Variants in MED13L observed in about 807,000 individuals in gnomAD.
MED13L encodes mediator complex subunit 13L.
A neutral mutation model predicts 220.9 loss-of-function variants in MED13L; 7 were observed. The observed-to-expected ratio is 0.03, with a 90% CI of 0.02 to 0.06. The LOEUF is 0.06. Among genes scored for constraint, MED13L ranks in the 10% least tolerant of loss-of-function variants. The pLI is 1.00. For synonymous variants in MED13L, 1,011 were observed against 1,015.2 expected (o/e 1.00, Z 0.08); for missense variants, 1,965 against 2,760.5 (o/e 0.71, Z 6.46).
At chr12:116,187,784 C>T (rs1880991338) in intron 2 of MED13L, among the ~76,000 whole-genome samples, 1 of 151,778 alleles carries the variant, frequency 6.6e-6, no homozygotes. Context: ...CTGACTTTAA[C>T]AGCCGATTTC....
At chr12:116,044,541 C>T (rs1024189397) in intron 4 of MED13L, among the ~76,000 whole-genome samples, 2 of 152,156 alleles carry the variant, frequency 1.3e-5, no homozygotes, top group Non-Finnish European at 2.9e-5. Flanking sequence ...CTCCTAAGAA[C>T]ACACAACAGC....
At position 115,970,664 on chromosome 12, in the gene MED13L, G is replaced by A. The variant is rs763451832; in HGVS notation, c.5997C>T (p.Phe1999=). ...CCACCTGGATGGTTGATGATGTTGG[G>A]AACACCAAGATGTGTGTACAAGAAG... The part of the protein sequence containing the change: ...QDASCTHILV[F]PTSSTIQVAP... Residue 1999 remains phenylalanine (F), a synonymous_variant, in exon 27 of 31, where the codon TTC becomes TTT. Transcript: ENST00000281928. 6.2e-7 allele frequency: 1 copy of A among 1,614,064 alleles called. No homozygotes were observed. Among genetic ancestry groups the A allele is most frequent in the Non-Finnish European group, 8.5e-7 (1 of 1,179,950 alleles).
intron 2 of MED13L, chr12:116,232,174 C>T (rs1298402194): frequency 3.1e-6 from 3 of 975,832 alleles, no homozygotes; most frequent in South Asian, 4.7e-5. Flanking sequence ...ATAGAAAAAG[C>T]AATATTTATG....
rs1159374382 is a variant in MED13L, at chr12:115,996,345, A to G, written c.2996+131T>C. On this transcript the variant is annotated intron_variant, in intron 16 of 30. Transcript: ENST00000281928. Reference sequence around the variant, plus strand: ...GACCTCAAGTGATCTGCCCGCCTCCACCTCCCAAAGTGCTGGGATTACAGG... The same window carrying G: ...GACCTCAAGTGATCTGCCCGCCTCCGCCTCCCAAAGTGCTGGGATTACAGG... The G allele has an allele frequency of 3.4e-5, 34 of 1,012,002 alleles. No individual in the cohort carries two copies. In the East Asian group the frequency reaches 8.0e-4, roughly 24 times the overall value. The allele number at this position is 1,012,002 out of a possible 1,614,324, so 62.7% of individuals were successfully genotyped here.
chr12:116,230,587 A>G lies in MED13L; in HGVS notation c.310+6881T>C. ...AATACAATTCCTTTCCAATTCAGTC[A>G]GGGATTAATTTCAATGACTCACAAA... On this transcript the variant is annotated intron_variant, in intron 2 of 30. Coordinates refer to ENST00000281928, the MANE Select transcript of MED13L (RefSeq NM_015335.5). 5.2e-6 allele frequency: 3 copies of G among 580,620 alleles called. No individual in the cohort carries two copies. The South Asian group carries it at 2.3e-4, about 44-fold the overall frequency. The allele number at this position is 580,620 out of a possible 1,614,324, so 36.0% of individuals were successfully genotyped here.
intron 4 of MED13L, among the ~76,000 whole-genome samples, chr12:116,089,811 G>T (rs1872031314): frequency 6.6e-6 from 1 of 152,094 alleles, no homozygotes; most frequent in African/African-American, 2.4e-5. Flanking sequence ...CCATGTTACT[G>T]AGATGCCATG....
Position 116,103,999 on chromosome 12 carries a change from C to CTTTTTTTTTTTTT in MED13L, c.396-7260_396-7248dup, listed in dbSNP as rs36066243. 8.4e-4 allele frequency among the ~76,000 whole-genome samples: 48 copies of CTTTTTTTTTTTTT among 57,462 alleles called. 5 individuals are homozygous for CTTTTTTTTTTTTT. Among genetic ancestry groups the CTTTTTTTTTTTTT allele is most frequent in the Non-Finnish European group, 1.1e-3 (36 of 33,474 alleles). 37.7% of individuals were successfully genotyped at this position (57,462 alleles called of 152,430 possible). A position where few individuals can be genotyped will look rare whatever the true frequency, so the allele number is the denominator to read the frequency against. On this transcript the variant is annotated intron_variant, in intron 3 of 30. Coordinates refer to ENST00000281928, the MANE Select transcript of MED13L (RefSeq NM_015335.5). ...CACCACCACATCCAAGGACATTGCTCTTTTTTTTTTTTTTTTTTTTTTTTT... is the reference window on the plus strand; with the variant it reads ...CACCACCACATCCAAGGACATTGCTCTTTTTTTTTTTTTTTTTTTTTTTTTTTTTTTTTTTTTT...
intron 13 of MED13L, 100 bp from the exon 14 acceptor site, chr12:116,003,202 T>C (rs1165669077): frequency 2.1e-6 from 2 of 968,974 alleles, no homozygotes; most frequent in African/African-American, 1.6e-5. Context: ...TGCCTCTTGG[T>C]AGAAGCGTTT....
chr12:116,152,671 GA>G (rs1394888990), intron 2 of MED13L, among the ~76,000 whole-genome samples: 10 of 152,014 alleles, frequency 6.6e-5, no homozygotes, highest in African/African-American at 2.4e-4. Context: ...TTCAACATTG[GA>G]AAACAAATTT....
At chr12:116,063,701 G>GA (rs1384024297) in intron 4 of MED13L, among the ~76,000 whole-genome samples, 1 of 151,838 alleles carries the variant, frequency 6.6e-6, no homozygotes, top group Non-Finnish European at 1.5e-5. Context: ...TACCTCCAAG[G>GA]AAAAAAACTG....
rs1231745129 is a variant in MED13L at position 116,024,770 on chromosome 12, G to T, written c.480-2169C>A. On this transcript the variant is annotated intron_variant, in intron 4 of 30. Coordinates refer to ENST00000281928, the MANE Select transcript of MED13L (RefSeq NM_015335.5). ...AGTAGTTTCATGCTTTTTTTTGGCG[G>T]GGCGGGGGGGGGGGGGAGGTGATCT... Among the ~76,000 whole-genome samples, 18 of 94,468 alleles carry T rather than the reference G, an allele frequency of 1.9e-4. 1 individual carries two copies. The highest frequency in any genetic ancestry group is 2.4e-4 in the African/African-American group (6 of 25,448). The allele number at this position is 94,468 out of a possible 152,430, so 62.0% of individuals were successfully genotyped here. A position where few individuals can be genotyped will look rare whatever the true frequency, so the allele number is the denominator to read the frequency against.
In MED13L at chr12:115,972,318, G is replaced by A. The variant is rs146152730; in HGVS notation, c.5732-82C>T. 9.8e-4 allele frequency: 1,515 copies of A among 1,539,984 alleles called. 3 individuals carry two copies. Among genetic ancestry groups the A allele is most frequent in the Non-Finnish European group, 1.2e-3 (1,300 of 1,129,118 alleles). ...TTTGAGCTTTTTAGCAGTTCTGCCC[G>A]GTAATTGAATTTCCAAGGTTGGGCC... On this transcript the variant is annotated intron_variant, in intron 25 of 30. Coordinates refer to ENST00000281928, the MANE Select transcript of MED13L (RefSeq NM_015335.5).
rs140615409 is a variant in MED13L, at chr12:116,008,763, G to C, written c.1650C>G (p.Ser550=). ...MNLNPMDSPH[S]PISPLPPTLS... ...GTGTTGGTGGCAGAGGGGATATAGG[G>C]GAATGAGGTGAATCCATAGGATTCA... The change falls in exon 10 of 31, where the codon TCC becomes TCG. Residue 550 remains serine, a synonymous_variant. Coordinates refer to ENST00000281928, the MANE Select transcript of MED13L (RefSeq NM_015335.5). The C allele has an allele frequency of 9.3e-6, 15 of 1,613,850 alleles. No individual in the cohort carries two copies. The African/African-American group carries it at 2.0e-4, about 22-fold the overall frequency.
At chr12:116,116,837 T>G (rs2137927861) in intron 2 of MED13L, among the ~76,000 whole-genome samples, 1 of 151,738 alleles carries the variant, frequency 6.6e-6, no homozygotes, top group African/African-American at 2.4e-5. Flanking sequence ...CAACATTTGG[T>G]CACAGAAGTG....
intron 9 of MED13L, among the ~76,000 whole-genome samples, chr12:116,011,705 C>G (rs760745069): frequency 7.9e-5 from 12 of 152,128 alleles, no homozygotes; most frequent in African/African-American, 2.9e-4. Context: ...GAGAGGGAAC[C>G]CTTAATGAGC....
At chr12:115,971,465 T>C (rs1228160115) in intron 26 of MED13L, among the ~76,000 whole-genome samples, 2 of 152,224 alleles carry the variant, frequency 1.3e-5, no homozygotes, top group Admixed American at 1.3e-4. Flanking sequence ...AATATCTGGA[T>C]GGTAAAGATA....
intron 1 of MED13L, among the ~76,000 whole-genome samples, chr12:116,265,684 T>C (rs973518265): frequency 6.6e-6 from 1 of 152,232 alleles, no homozygotes; most frequent in African/African-American, 2.4e-5. Context: ...TTAATCTAAA[T>C]TGGCCTGCCC....
chr12:116,276,835 G>A (rs1462334973), intron 1 of MED13L: 6 of 1,068,820 alleles, frequency 5.6e-6, no homozygotes, highest in Middle Eastern at 3.3e-4. Flanking sequence ...CACGCCGAGC[G>A]CCGCGCTCAC....
chr12:116,260,542 C>T (rs1049775715), intron 1 of MED13L, among the ~76,000 whole-genome samples: 3 of 152,022 alleles, frequency 2.0e-5, no homozygotes, highest in Non-Finnish European at 2.9e-5. Context: ...ATAACAATTA[C>T]GCTCTCAATA....
Sources: allele counts gnomAD v4.1 joint callset (sites outside exome capture counted in the v4.1 genomes callset), GRCh38; gene constraint gnomAD v4.1.1; transcripts MANE v1.5; gene names NCBI Gene and HGNC (gene_info 2026-07-23, HGNC 2026-07-21).